Variants in TAFA4 observed in about 807,000 individuals in gnomAD.
TAFA4 encodes the protein chemokine-like protein TAFA-4.
TAFA4 carries 20 observed loss-of-function variants against 21.1 expected under a neutral mutation model. The observed-to-expected ratio is 0.95, with a 90% CI of 0.67 to 1.38. The LOEUF is 1.38. Among genes scored for constraint, TAFA4 ranks in the 40% most tolerant of loss-of-function variants. TAFA4 has a pLI of 0.00. For missense variants in TAFA4, 211 were observed against 180.9 expected (o/e 1.17, Z -0.95); for synonymous variants, 71 against 67.4 (o/e 1.05, Z -0.26).
chr3:68,790,623 A>G (rs1703344279), intron 3 of TAFA4, among the ~76,000 whole-genome samples: 1 of 152,234 alleles, frequency 6.6e-6, no homozygotes, highest in South Asian at 2.1e-4. Context: ...TCATATGGAT[A>G]TGAGAATCCC....
intron 3 of TAFA4, 78 bp downstream of exon 3, chr3:68,880,652 C>A: frequency 4.3e-6 from 5 of 1,166,204 alleles, no homozygotes; most frequent in Non-Finnish European, 6.4e-6. Context: ...CATCAGTTAT[C>A]TGTGTCTAAA....
chr3:68,745,442 C>T (rs910997818), intron 4 of TAFA4, among the ~76,000 whole-genome samples: 1 of 152,126 alleles, frequency 6.6e-6, no homozygotes, highest in Non-Finnish European at 1.5e-5. Context: ...TTAAAAGCCC[C>T]ATGCTTCCTG....
At chr3:68,910,153 T>A (rs1462749560) in intron 1 of TAFA4, among the ~76,000 whole-genome samples, 1 of 152,252 alleles carries the variant, frequency 6.6e-6, no homozygotes, top group Non-Finnish European at 1.5e-5. Context: ...GAGTTTTATA[T>A]AACATAATCA....
intron 3 of TAFA4, among the ~76,000 whole-genome samples, chr3:68,820,918 A>G (rs1356391876): frequency 6.6e-6 from 1 of 152,198 alleles, no homozygotes; most frequent in Non-Finnish European, 1.5e-5. Flanking sequence ...AGAAAATGCA[A>G]AGAATTTTGT....
At chr3:68,737,111 T>C (rs1702255118) in intron 5 of TAFA4, among the ~76,000 whole-genome samples, 1 of 152,170 alleles carries the variant, frequency 6.6e-6, no homozygotes, top group Admixed American at 6.6e-5. Context: ...GCTCATGATC[T>C]TGTTTTATAT....
intron 1 of TAFA4, among the ~76,000 whole-genome samples, chr3:68,921,025 G>A (rs1427552680): frequency 2.6e-5 from 4 of 152,052 alleles, no homozygotes; most frequent in East Asian, 1.9e-4. Flanking sequence ...CAAAAGGGTC[G>A]GCAGCCAGGG....
chr3:68,823,776 A>T (rs1211577439), intron 3 of TAFA4, among the ~76,000 whole-genome samples: 1 of 152,224 alleles, frequency 6.6e-6, no homozygotes, highest in Non-Finnish European at 1.5e-5. Context: ...TACAAAGGAC[A>T]TTATCTTATT....
chr3:68,739,851 C>A (rs1702316541), intron 4 of TAFA4, among the ~76,000 whole-genome samples: 2 of 152,162 alleles, frequency 1.3e-5, no homozygotes, highest in Middle Eastern at 3.4e-3. Flanking sequence ...AGTCATGGAA[C>A]AACAGAAATT....
intron 5 of TAFA4, among the ~76,000 whole-genome samples, chr3:68,735,594 T>G (rs1702228218): frequency 6.6e-6 from 1 of 152,096 alleles, no homozygotes; most frequent in Non-Finnish European, 1.5e-5. Context: ...TAAATTATTA[T>G]TATATTGACA....
chr3:68,929,695 G>GA (rs2090142200), intron 1 of TAFA4, among the ~76,000 whole-genome samples: 1 of 152,226 alleles, frequency 6.6e-6, no homozygotes. Context: ...GCACAAGGGG[G>GA]AAAATCTACT....
intron 2 of TAFA4, among the ~76,000 whole-genome samples, chr3:68,882,444 T>C (rs372902755): frequency 3.3e-5 from 5 of 152,180 alleles, no homozygotes; most frequent in African/African-American, 9.6e-5. Context: ...CATTTCCACA[T>C]GGGAGTAACA....
intron 3 of TAFA4, among the ~76,000 whole-genome samples, chr3:68,815,914 C>T (rs1703964219): frequency 6.6e-6 from 1 of 152,134 alleles, no homozygotes. Flanking sequence ...TCGAACCAAC[C>T]CAAATGTCCA....
At chr3:68,800,250 C>G (rs989481543) in intron 3 of TAFA4, among the ~76,000 whole-genome samples, 2 of 152,072 alleles carry the variant, frequency 1.3e-5, no homozygotes, top group African/African-American at 4.8e-5. Context: ...CTCTCTGGTG[C>G]CAAAAATGTT....
intron 3 of TAFA4, among the ~76,000 whole-genome samples, chr3:68,873,012 A>G (rs1483362923): frequency 2.4e-4 from 36 of 152,124 alleles, no homozygotes; most frequent in Admixed American, 2.4e-3. Context: ...ATCCCTTTTC[A>G]TAGACAGCAT....
intron 5 of TAFA4, 77 bp downstream of exon 5, chr3:68,738,998 T>C (rs940433485): frequency 1.9e-6 from 3 of 1,581,018 alleles, no homozygotes; most frequent in African/African-American, 1.4e-5. Context: ...GTGTTCTTGA[T>C]GGCAGAATAA....
chr3:68,784,095 C>T (rs1703205272), intron 3 of TAFA4, among the ~76,000 whole-genome samples: 2 of 152,196 alleles, frequency 1.3e-5, no homozygotes, highest in Non-Finnish European at 2.9e-5. Flanking sequence ...ACACAGATTG[C>T]TTGTCATCAT....
chr3:68,852,201 T>C (rs138084023), intron 3 of TAFA4, among the ~76,000 whole-genome samples: 10 of 152,222 alleles, frequency 6.6e-5, no homozygotes, highest in Non-Finnish European at 1.5e-4. Context: ...GACCAAAGTT[T>C]GGAGAGAGAG....
intron 3 of TAFA4, among the ~76,000 whole-genome samples, chr3:68,854,729 G>C (rs561761212): frequency 6.6e-6 from 1 of 151,172 alleles, no homozygotes; most frequent in South Asian, 2.1e-4. Flanking sequence ...TATTTTATTA[G>C]TTTTTTTAAT....
At chr3:68,861,038 C>G (rs959843518) in intron 3 of TAFA4, among the ~76,000 whole-genome samples, 2 of 134,854 alleles carry the variant, frequency 1.5e-5, no homozygotes, top group Non-Finnish European at 3.2e-5. Context: ...GCACCCCCCC[C>G]CCGCCCCCAC....
Sources: allele counts gnomAD v4.1 joint callset (sites outside exome capture counted in the v4.1 genomes callset), GRCh38; gene constraint gnomAD v4.1.1; transcripts MANE v1.5; gene names NCBI Gene and HGNC (gene_info 2026-07-23, HGNC 2026-07-21).